The following TG variants were observed in gnomAD, a reference collection of about 807,000 sequenced individuals.
The protein encoded by TG is thyroid hormones.
A neutral mutation model predicts 324.7 loss-of-function variants in TG; 270 were observed. That is an observed-to-expected ratio of 0.83 (90% CI 0.75 to 0.92). The LOEUF is 0.92. Ranked by LOEUF, TG falls within the 40% of genes least tolerant of loss-of-function variation. The pLI, the probability that TG is intolerant of heterozygous loss-of-function variation, is 0.00. For synonymous variants in TG, 1,401 were observed against 1,327.0 expected, an observed-to-expected ratio of 1.06 and a Z score of -1.21; for missense variants, 3,591 against 3,456.4, an observed-to-expected ratio of 1.04 and a Z score of -0.98.
chr8:133,040,124 G>A, intron 41 of TG: 1 of 1,577,890 alleles, frequency 6.3e-7, no homozygotes, highest in South Asian at 1.2e-5. Context: ...CAGGCCATCA[G>A]CCACCTCTGA....
intron 41 of TG, among the ~76,000 whole-genome samples, chr8:133,057,785 A>C (rs905125116): frequency 3.3e-5 from 5 of 152,012 alleles, no homozygotes; most frequent in East Asian, 3.8e-4. Flanking sequence ...AAAAAAAAAA[A>C]AACAAAAAAA....
At chr8:133,001,486 A>T (rs1322488021) in intron 35 of TG, among the ~76,000 whole-genome samples, 4 of 152,222 alleles carry the variant, frequency 2.6e-5, no homozygotes, top group African/African-American at 9.6e-5. Context: ...TCATTCTGCA[A>T]ATAACCACAA....
intron 10 of TG, among the ~76,000 whole-genome samples, chr8:132,889,434 A>G (rs1815908984): frequency 6.6e-6 from 1 of 152,244 alleles, no homozygotes; most frequent in African/African-American, 2.4e-5. Flanking sequence ...AGGCTTTAGC[A>G]GCAACTGGGT....
intron 22 of TG, among the ~76,000 whole-genome samples, chr8:132,925,672 T>C (rs375168845): frequency 7.2e-4 from 110 of 152,300 alleles, no homozygotes; most frequent in African/African-American, 2.5e-3. Context: ...GTTAGCCAGA[T>C]GCTTCACAAA....
At chr8:133,016,457 G>T (rs1253336631) in intron 37 of TG, among the ~76,000 whole-genome samples, 1 of 152,220 alleles carries the variant, frequency 6.6e-6, no homozygotes, top group Non-Finnish European at 1.5e-5. Context: ...ATTACTTCCA[G>T]TTGAGAACCT....
chr8:133,091,459 C>T (rs1475814869), intron 41 of TG, among the ~76,000 whole-genome samples: 4 of 152,166 alleles, frequency 2.6e-5, no homozygotes, highest in Non-Finnish European at 5.9e-5. Flanking sequence ...CGGGTAGCTG[C>T]CCACCCCGCT....
chr8:133,002,893 C>A, intron 35 of TG: 1 of 502,034 alleles, frequency 2.0e-6, no homozygotes, highest in South Asian at 6.3e-5. Context: ...GTAAACGCTT[C>A]CAGTTTTGCC....
intron 21 of TG, among the ~76,000 whole-genome samples, chr8:132,920,279 G>A (rs555368663): frequency 6.6e-6 from 1 of 152,226 alleles, no homozygotes; most frequent in East Asian, 1.9e-4. Flanking sequence ...GCCTTGTTGT[G>A]CATCTCTTCT....
intron 43 of TG, among the ~76,000 whole-genome samples, chr8:133,109,631 A>T (rs1357013716): frequency 6.6e-6 from 1 of 152,158 alleles, no homozygotes; most frequent in Non-Finnish European, 1.5e-5. Flanking sequence ...GTAAGACAGC[A>T]CTTAGCCTCT....
chr8:132,993,536 T>G lies in TG; in HGVS notation c.6262+10124T>G, dbSNP rs540578450. ...TAAAGGTTGGCAGTGGTGGCATGGC[T>G]GGGTTAGGTCATGCACTACCAGTTC... On this transcript the variant is annotated intron_variant, in intron 35 of 47. Coordinates refer to ENST00000220616, the MANE Select transcript of TG (RefSeq NM_003235.5). Among the ~76,000 whole-genome samples, 9 of 152,364 alleles carry G rather than the reference T, an allele frequency of 5.9e-5. No individual in the cohort carries two copies. The South Asian group carries it at 1.4e-3, about 25-fold the overall frequency.
intron 31 of TG, among the ~76,000 whole-genome samples, chr8:132,968,668 A>C (rs1209232861): frequency 1.3e-5 from 2 of 152,124 alleles, no homozygotes; most frequent in Non-Finnish European, 2.9e-5. Flanking sequence ...GTGTGGTGGG[A>C]ACTTGTTGAC....
At chr8:132,944,556 G>A (rs1215552791) in intron 26 of TG, among the ~76,000 whole-genome samples, 1 of 152,184 alleles carries the variant, frequency 6.6e-6, no homozygotes. Context: ...TGCTGAATTG[G>A]GCAGACCCCA....
At position 132,941,363 on chromosome 8, in the gene TG, C is replaced by T. The variant is rs1328158017; in HGVS notation, c.5054C>T (p.Thr1685Ile). ...GCCTTTCCCCCAGGCCAAGGATCCA[C>T]CACAACACTTCAGAAACGCTTTGAA... Reference protein sequence around the residue: ...AVYLKKGQGSTTTLQKRFEPT... With the variant: ...AVYLKKGQGSITTLQKRFEPT... The change falls in exon 26 of 48, where the codon ACC becomes ATC. Residue 1685 changes from threonine (T) to isoleucine (I), a missense_variant. Coordinates refer to ENST00000220616, the MANE Select transcript of TG (RefSeq NM_003235.5). 6.8e-6 allele frequency: 11 copies of T among 1,614,104 alleles called. No homozygotes were observed. The highest frequency in any genetic ancestry group is 1.7e-5 in the Admixed American group (1 of 59,996).
intron 40 of TG, among the ~76,000 whole-genome samples, chr8:133,029,032 G>T (rs185510235): frequency 1.3e-3 from 204 of 152,258 alleles, no homozygotes; most frequent in Non-Finnish European, 2.4e-3. Flanking sequence ...TGCAAAGTCA[G>T]AAAGGAAGAA....
intron 43 of TG, chr8:133,106,298 G>A: frequency 5.1e-6 from 3 of 592,442 alleles, no homozygotes; most frequent in Non-Finnish European, 6.4e-6. Context: ...GGCAGGGCCA[G>A]GGGGAAGCAG....
chr8:132,929,653 C>A (rs1297078751), intron 23 of TG, among the ~76,000 whole-genome samples: 1 of 152,170 alleles, frequency 6.6e-6, no homozygotes, highest in Non-Finnish European at 1.5e-5. Context: ...TGCTCACTGA[C>A]ATAGAACCAG....
chr8:132,941,633 GGAGTA>G (rs1824458317), intron 26 of TG, 91 bp downstream of exon 26: 1 of 1,482,936 alleles, frequency 6.7e-7, no homozygotes, highest in Non-Finnish European at 9.4e-7. Context: ...AGCTGCATGG[GGAGTA>G]CAGTGTGAGT....
intron 5 of TG, among the ~76,000 whole-genome samples, chr8:132,874,447 T>C (rs1156683397): frequency 6.6e-6 from 1 of 152,222 alleles, no homozygotes; most frequent in African/African-American, 2.4e-5. Flanking sequence ...AGACTTTAGA[T>C]GTAATTGAAC....
At chr8:133,100,462 A>G (rs1050239750) in intron 43 of TG, among the ~76,000 whole-genome samples, 7 of 152,246 alleles carry the variant, frequency 4.6e-5, no homozygotes, top group Admixed American at 3.9e-4. Context: ...TGCACACAGC[A>G]GGCACACAAT....
Sources: allele counts gnomAD v4.1 joint callset (sites outside exome capture counted in the v4.1 genomes callset), GRCh38; gene constraint gnomAD v4.1.1; transcripts MANE v1.5; gene names NCBI Gene and HGNC (gene_info 2026-07-23, HGNC 2026-07-21).